Variants in NELL1 observed in about 807,000 individuals in gnomAD.
NELL1 encodes the protein neural EGFL like 1, also known as protein kinase C-binding protein NELL1.
Under a neutral mutation model 107.4 loss-of-function variants are expected in NELL1, and 76 were observed. That is an observed-to-expected ratio of 0.71 (90% CI 0.59 to 0.86). NELL1 has a LOEUF of 0.86. Among genes scored for constraint, NELL1 ranks in the 40% least tolerant of loss-of-function variants. NELL1 has a pLI of 0.00. For synonymous variants in NELL1, 353 were observed against 341.2 expected, an observed-to-expected ratio of 1.03 and a Z score of -0.38; for missense variants, 1,024 against 1,005.5, an observed-to-expected ratio of 1.02 and a Z score of -0.25.
chr11:21,467,653 A>G (rs1854065871), intron 15 of NELL1, among the ~76,000 whole-genome samples: 1 of 151,944 alleles, frequency 6.6e-6, no homozygotes, highest in African/African-American at 2.4e-5. Flanking sequence ...TTCCTTATAT[A>G]GTTTATATTT....
chr11:21,272,795 C>A (rs1193993366), intron 14 of NELL1, among the ~76,000 whole-genome samples: 1 of 152,168 alleles, frequency 6.6e-6, no homozygotes, highest in Non-Finnish European at 1.5e-5. Context: ...GCAAAGAGGG[C>A]CTGGAGGGGA....
chr11:21,222,680 CCTT>C (rs1198104488), intron 13 of NELL1, among the ~76,000 whole-genome samples: 5 of 151,976 alleles, frequency 3.3e-5, no homozygotes, highest in Middle Eastern at 3.2e-3. Flanking sequence ...TATAAACTTG[CCTT>C]TTAATACTGG....
At chr11:21,525,893 C>A (rs1733336428) in intron 15 of NELL1, among the ~76,000 whole-genome samples, 4 of 152,200 alleles carry the variant, frequency 2.6e-5, no homozygotes, top group Admixed American at 2.6e-4. Flanking sequence ...GGGATTACTA[C>A]AATCCAAGGT....
chr11:20,837,297 C>T (rs1437199717), intron 3 of NELL1, among the ~76,000 whole-genome samples: 1 of 152,124 alleles, frequency 6.6e-6, no homozygotes, highest in East Asian at 1.9e-4. Flanking sequence ...CTAGAATTAT[C>T]TATGTGATAA....
intron 4 of NELL1, among the ~76,000 whole-genome samples, chr11:20,862,811 C>T (rs923785419): frequency 6.6e-6 from 1 of 151,990 alleles, no homozygotes; most frequent in African/African-American, 2.4e-5. Context: ...TGACTCTCAA[C>T]GAGCATGCTG....
intron 14 of NELL1, among the ~76,000 whole-genome samples, chr11:21,360,655 G>A (rs1298896067): frequency 2.0e-5 from 3 of 151,986 alleles, no homozygotes; most frequent in African/African-American, 7.2e-5. Flanking sequence ...TAATTGTTTT[G>A]TAAATTTGGG....
intron 15 of NELL1, among the ~76,000 whole-genome samples, chr11:21,480,262 T>C (rs959940255): frequency 6.6e-6 from 1 of 152,172 alleles, no homozygotes; most frequent in Non-Finnish European, 1.5e-5. Context: ...TTGTAATCCC[T>C]GGGGCTAGTT....
chr11:20,940,267 C>CT (rs59910757), intron 10 of NELL1, among the ~76,000 whole-genome samples: 7 of 148,428 alleles, frequency 4.7e-5, no homozygotes, highest in African/African-American at 1.0e-4. Flanking sequence ...CCTTGGGCTT[C>CT]TTTTTTTTTT....
chr11:21,369,038 G>A (rs138280879), intron 14 of NELL1, among the ~76,000 whole-genome samples: 19 of 151,958 alleles, frequency 1.3e-4, no homozygotes, highest in South Asian at 4.2e-4. Context: ...TAAATCAAAC[G>A]CATATACCTA....
chr11:21,483,186 C>T (rs1309773574), intron 15 of NELL1, among the ~76,000 whole-genome samples: 1 of 151,972 alleles, frequency 6.6e-6, no homozygotes, highest in Non-Finnish European at 1.5e-5. Context: ...CAAGTCAAGG[C>T]CAGATTATTT....
At chr11:21,000,743 A>C (rs1852199013) in intron 12 of NELL1, 1 of 152,234 alleles carries the variant, frequency 6.6e-6, no homozygotes, top group Non-Finnish European at 1.5e-5. Context: ...AATATTCTTT[A>C]TGCAGCAGGA....
chr11:21,471,073 G>T (rs949513529), intron 15 of NELL1, among the ~76,000 whole-genome samples: 2 of 152,052 alleles, frequency 1.3e-5, no homozygotes, highest in Non-Finnish European at 2.9e-5. Context: ...TCTGCTTAAG[G>T]CTGCAAAAGC....
At chr11:20,765,722 A>G (rs1856515512) in intron 2 of NELL1, among the ~76,000 whole-genome samples, 1 of 152,136 alleles carries the variant, frequency 6.6e-6, no homozygotes, top group Admixed American at 6.5e-5. Context: ...GTGAGGTGGG[A>G]GTTGGGCCTG....
intron 12 of NELL1, among the ~76,000 whole-genome samples, chr11:20,981,520 T>C (rs1034977800): frequency 1.3e-5 from 2 of 152,210 alleles, no homozygotes; most frequent in African/African-American, 4.8e-5. Flanking sequence ...TAACTATGAT[T>C]ATTAACAGTG....
chr11:21,012,234 A>G (rs1285233917), intron 12 of NELL1, among the ~76,000 whole-genome samples: 1 of 152,136 alleles, frequency 6.6e-6, no homozygotes, highest in Non-Finnish European at 1.5e-5. Flanking sequence ...GGCCTTGCAC[A>G]TCTTCATATG....
intron 13 of NELL1, among the ~76,000 whole-genome samples, chr11:21,155,056 T>G (rs1007789425): frequency 6.6e-6 from 1 of 151,986 alleles, no homozygotes; most frequent in Non-Finnish European, 1.5e-5. Flanking sequence ...CTGAAGACAG[T>G]GAAGAAAGAG....
chr11:21,272,994 A>G (rs1848772990), intron 14 of NELL1, among the ~76,000 whole-genome samples: 1 of 152,194 alleles, frequency 6.6e-6, no homozygotes, highest in Non-Finnish European at 1.5e-5. Context: ...AAAGTAGAGC[A>G]CCTCTTCTCC....
At chr11:21,335,016 G>A (rs1419567622) in intron 14 of NELL1, among the ~76,000 whole-genome samples, 1 of 151,904 alleles carries the variant, frequency 6.6e-6, no homozygotes, top group Non-Finnish European at 1.5e-5. Flanking sequence ...GAGGCATGGT[G>A]TCCTCTCTGA....
At chr11:21,335,008 G>A (rs756434713) in intron 14 of NELL1, among the ~76,000 whole-genome samples, 3 of 151,916 alleles carry the variant, frequency 2.0e-5, no homozygotes, top group African/African-American at 4.8e-5. Flanking sequence ...CAGAATTAGA[G>A]GCATGGTGTC....
Sources: allele counts gnomAD v4.1 joint callset (sites outside exome capture counted in the v4.1 genomes callset), GRCh38; gene constraint gnomAD v4.1.1; transcripts MANE v1.5; gene names NCBI Gene and HGNC (gene_info 2026-07-23, HGNC 2026-07-21).